Variants in PROSER2 observed in about 807,000 individuals in gnomAD.
PROSER2 encodes proline and serine rich 2.
Under a neutral mutation model 14.6 loss-of-function variants are expected in PROSER2, and 18 were observed. The observed-to-expected ratio is 1.23, with a 90% confidence interval of 0.85 to 1.83. PROSER2 has a LOEUF of 1.83. Ranked by LOEUF, PROSER2 falls within the 40% of genes most tolerant of loss-of-function variation. PROSER2 has a pLI of 0.00. For missense variants in PROSER2, 823 were observed against 629.8 expected (o/e 1.31, Z -3.28); for synonymous variants, 367 against 286.4 (o/e 1.28, Z -2.84).
intron 1 of PROSER2, among the ~76,000 whole-genome samples, chr10:11,835,884 C>T (rs1833753596): frequency 6.6e-6 from 1 of 151,956 alleles, no homozygotes; most frequent in South Asian, 2.1e-4. Flanking sequence ...ATGAAGAAGC[C>T]CACTCATGGT....
At chr10:11,859,412 G>C (rs757772273) in intron 2 of PROSER2, among the ~76,000 whole-genome samples, 1 of 152,184 alleles carries the variant, frequency 6.6e-6, no homozygotes, top group Non-Finnish European at 1.5e-5. Flanking sequence ...GGGAGACAGA[G>C]TGAGAGACTG....
At chr10:11,842,727 A>G (rs1017519223) in intron 1 of PROSER2, among the ~76,000 whole-genome samples, 10 of 151,916 alleles carry the variant, frequency 6.6e-5, no homozygotes, top group African/African-American at 2.4e-5. Flanking sequence ...ATAGAAATTT[A>G]TAACATTTTC....
intron 1 of PROSER2, among the ~76,000 whole-genome samples, chr10:11,827,945 T>G (rs1375436859): frequency 6.6e-6 from 1 of 152,188 alleles, no homozygotes; most frequent in Non-Finnish European, 1.5e-5. Context: ...CTGAAAGTGC[T>G]GGGATTACAG....
intron 3 of PROSER2, among the ~76,000 whole-genome samples, chr10:11,867,249 A>G (rs2131094602): frequency 7.8e-6 from 1 of 127,758 alleles, no homozygotes; most frequent in Non-Finnish European, 1.6e-5. Flanking sequence ...TGGGGGACAG[A>G]GTGAGACTCC....
In PROSER2 at chr10:11,837,368, G is replaced by A. The variant is rs990070268; in HGVS notation, c.-82+13898G>A. On this transcript the variant is annotated intron_variant, in intron 1 of 3. Transcript: ENST00000277570. The surrounding 1 kb of genome is among the most constrained non-coding windows in gnomAD (Gnocchi z 4.6). Reference sequence around the variant, plus strand: ...TGACCACTGTGTGACAAGTGCTTAGGGACATTTGTAGGTAGAAGACATGAA... The same window carrying A: ...TGACCACTGTGTGACAAGTGCTTAGAGACATTTGTAGGTAGAAGACATGAA... 4.4e-4 allele frequency among the ~76,000 whole-genome samples: 67 copies of A among 152,186 alleles called. No individual in the cohort carries two copies. The highest frequency in any genetic ancestry group is 1.6e-3 in the African/African-American group (66 of 41,442).
Position 11,837,150 on chromosome 10 carries a change from T to C in PROSER2, c.-82+13680T>C, listed in dbSNP as rs1226069112. 1.3e-5 allele frequency among the ~76,000 whole-genome samples: 2 copies of C among 152,034 alleles called. No homozygotes were observed. The highest frequency in any genetic ancestry group is 2.9e-5 in the Non-Finnish European group (2 of 68,004). The stretch of plus-strand genomic sequence containing the variant: ...ATGCTGGCTGGTAATTTGTATATGC[T>C]GAAGAGAAGCTACCAAGTGCTTCCT... On this transcript the variant is annotated intron_variant, in intron 1 of 3. Transcript: ENST00000277570. The surrounding 1 kb of genome is among the most constrained non-coding windows in gnomAD (Gnocchi z 4.6).
At chr10:11,832,869 G>T (rs925085852) in intron 1 of PROSER2, among the ~76,000 whole-genome samples, 5 of 151,872 alleles carry the variant, frequency 3.3e-5, no homozygotes, top group African/African-American at 1.2e-4. Flanking sequence ...TTGAGACAGG[G>T]TGTCACTCTG....
At chr10:11,854,259 G>C (rs1834081216) in intron 2 of PROSER2, among the ~76,000 whole-genome samples, 1 of 152,190 alleles carries the variant, frequency 6.6e-6, no homozygotes, top group Admixed American at 6.5e-5. Flanking sequence ...TTTAGAACTA[G>C]CAAAATGAGA....
At chr10:11,863,595 G>C (rs926645778) in intron 2 of PROSER2, among the ~76,000 whole-genome samples, 1 of 151,416 alleles carries the variant, frequency 6.6e-6, no homozygotes, top group African/African-American at 2.4e-5. Context: ...TAGCATTATA[G>C]AGTCAAATAG....
chr10:11,831,127 G>C (rs1214775025), intron 1 of PROSER2, among the ~76,000 whole-genome samples: 1 of 152,186 alleles, frequency 6.6e-6, no homozygotes, highest in African/African-American at 2.4e-5. Flanking sequence ...AGTCTAACCA[G>C]GTGTTATAAA....
At chr10:11,835,418 C>T (rs1177258253) in intron 1 of PROSER2, among the ~76,000 whole-genome samples, 10 of 151,956 alleles carry the variant, frequency 6.6e-5, no homozygotes, top group Admixed American at 3.9e-4. Context: ...CCTATTTTTA[C>T]GAAAGTAGTC....
intron 1 of PROSER2, among the ~76,000 whole-genome samples, chr10:11,828,015 T>A (rs1833639235): frequency 1.3e-5 from 2 of 152,104 alleles, no homozygotes; most frequent in African/African-American, 4.8e-5. Context: ...GATTACATTT[T>A]ATTTTTTTTA....
chr10:11,832,226 C>T (rs1833698370), intron 1 of PROSER2, among the ~76,000 whole-genome samples: 1 of 152,176 alleles, frequency 6.6e-6, no homozygotes, highest in South Asian at 2.1e-4. Context: ...TGCCCACACT[C>T]CCAGCAGCCA....
chr10:11,829,684 A>ACAAATT, intron 1 of PROSER2, among the ~76,000 whole-genome samples: 1 of 129,810 alleles, frequency 7.7e-6, no homozygotes, highest in African/African-American at 2.9e-5. Context: ...TTTATATGCC[A>ACAAATT]CAAATTGCCC....
At chr10:11,847,159 AT>A (rs1176696937) in intron 1 of PROSER2, among the ~76,000 whole-genome samples, 22,418 of 145,728 alleles carry the variant, frequency 0.15, 1,875 homozygotes, top group South Asian at 0.23. Context: ...AAATAAATAT[AT>A]ATATATATAT....
chr10:11,835,278 G>A (rs1483025870), intron 1 of PROSER2, among the ~76,000 whole-genome samples: 7 of 152,096 alleles, frequency 4.6e-5, no homozygotes, highest in African/African-American at 1.7e-4. Flanking sequence ...GTGCACTTGT[G>A]TATGAATGTG....
At chr10:11,848,864 G>A (rs1295513436) in intron 1 of PROSER2, among the ~76,000 whole-genome samples, 1 of 152,148 alleles carries the variant, frequency 6.6e-6, no homozygotes, top group East Asian at 1.9e-4. Context: ...ATGCCCATGG[G>A]AGTGGGTGAT....
In PROSER2 at chr10:11,837,168, T is replaced by A. The variant is rs1208300797; in HGVS notation, c.-82+13698T>A. 6.6e-6 allele frequency among the ~76,000 whole-genome samples: 1 copy of A among 152,124 alleles called. No individual in the cohort carries two copies. Among genetic ancestry groups the A allele is most frequent in the Non-Finnish European group, 1.5e-5 (1 of 68,022 alleles). ...TATATGCTGAAGAGAAGCTACCAAG[T>A]GCTTCCTTTAAGTGAAAAGATGTGA... On this transcript the variant is annotated intron_variant, in intron 1 of 3. Transcript: ENST00000277570. The surrounding 1 kb of genome is among the most constrained non-coding windows in gnomAD (Gnocchi z 4.6).
Position 11,870,042 on chromosome 10 carries a change from G to A in PROSER2, c.944G>A (p.Arg315Gln), listed in dbSNP as rs1564316510. The A allele has an allele frequency of 6.5e-6, 8 of 1,235,672 alleles. No homozygotes were observed. The highest frequency in any genetic ancestry group is 8.1e-6 in the Non-Finnish European group (8 of 990,030). The allele number at this position is 1,235,672 out of a possible 1,614,324, so 76.5% of individuals were successfully genotyped here. ...CCAGGGGGCGGCTCCTCCCCGGAGC[G>A]GGTGGCGCGTGGCCGGGGCCTGCCG... ...GAPGGGSSPE[R>Q]VARGRGLPGP... The change falls in exon 4 of 4, where the codon CGG (arginine) becomes CAG (glutamine). Residue 315 changes from arginine to glutamine, a missense_variant. Transcript: ENST00000277570.
Sources: gnomAD v4.1 joint callset for allele counts (sites outside exome capture counted in the v4.1 genomes callset) on GRCh38, gnomAD v4.1.1 for gene constraint, Gnocchi (gnomAD v3.1) non-coding constraint, MANE v1.5 for transcripts, NCBI Gene and HGNC (gene_info 2026-07-23, HGNC 2026-07-21) for gene names.